Variants in EYS observed in about 807,000 individuals in gnomAD.
EYS encodes the protein protein eyes shut homolog.
In EYS, 250 loss-of-function variants were observed where a neutral mutation model predicts 282.1. The ratio of observed to expected loss-of-function variants is 0.89; its 90% confidence interval spans 0.80 to 0.98. EYS has a LOEUF of 0.98. Among genes scored for constraint, EYS ranks in the 50% least tolerant of loss-of-function variants. The pLI is 0.00. For missense variants in EYS, 4,016 were observed against 3,709.0 expected, an observed-to-expected ratio of 1.08 and a Z score of -2.15; for synonymous variants, 1,355 against 1,282.9, an observed-to-expected ratio of 1.06 and a Z score of -1.20.
rs182028690 is a variant in EYS at position 64,974,628 on chromosome 6, C to T, written c.2259+22954G>A. Among the ~76,000 whole-genome samples the T allele has an allele frequency of 2.4e-4, 37 of 151,894 alleles. 1 individual carries two copies. In the East Asian group the frequency reaches 5.8e-3, roughly 24 times the overall value. On this transcript the variant is annotated intron_variant, in intron 14 of 42. Transcript: ENST00000503581. ...CATTTTCCACTCCAAGTTGCAGAAC[C>T]GTCTCTATCTTCATGTCCTTATAGG...
chr6:64,433,178 C>G (rs1452927131), intron 28 of EYS, among the ~76,000 whole-genome samples: 1 of 151,954 alleles, frequency 6.6e-6, no homozygotes, highest in Non-Finnish European at 1.5e-5. Flanking sequence ...ATTTTGCTGT[C>G]CTTTTTCTTC....
At chr6:63,742,130 G>A (rs1235523977) in intron 41 of EYS, among the ~76,000 whole-genome samples, 1 of 152,190 alleles carries the variant, frequency 6.6e-6, no homozygotes, top group East Asian at 1.9e-4. Context: ...TGACAAGGCT[G>A]ATGCTTCTTG....
chr6:65,401,874 T>C (rs1468850249), intron 7 of EYS, among the ~76,000 whole-genome samples: 1 of 151,900 alleles, frequency 6.6e-6, no homozygotes, highest in African/African-American at 2.4e-5. Context: ...GTCAGGCAAG[T>C]GTGAAGAGTA....
intron 22 of EYS, among the ~76,000 whole-genome samples, chr6:64,643,544 T>C (rs760212943): frequency 3.3e-5 from 5 of 151,986 alleles, no homozygotes; most frequent in African/African-American, 4.8e-5. Context: ...GGGAAGTGTG[T>C]GGTGTTAACA....
At position 65,194,663 on chromosome 6, in the gene EYS, T is replaced by C. The variant is rs962066662; in HGVS notation, c.2023+101200A>G. 3.3e-5 allele frequency among the ~76,000 whole-genome samples: 5 copies of C among 151,912 alleles called. No individual in the cohort carries two copies. The East Asian group carries it at 9.7e-4, about 30-fold the overall frequency. On this transcript the variant is annotated intron_variant, in intron 12 of 42. Transcript: ENST00000503581. The stretch of plus-strand genomic sequence containing the variant: ...AGGCCTTTGTCCATTGAAGGGCCTG[T>C]ATCCCAAGTGTGAGGAGGGAGAATT...
intron 34 of EYS, among the ~76,000 whole-genome samples, chr6:63,987,504 A>G (rs1481506156): frequency 1.3e-5 from 2 of 151,734 alleles, no homozygotes; most frequent in Non-Finnish European, 3.0e-5. Flanking sequence ...CTCATAATTT[A>G]GATGTACATA....
intron 5 of EYS, among the ~76,000 whole-genome samples, chr6:65,488,122 C>T (rs1479084624): frequency 6.6e-6 from 1 of 152,038 alleles, no homozygotes; most frequent in African/African-American, 2.4e-5. Context: ...TTTCAAAAAA[C>T]CAGCTCCTGG....
At chr6:65,212,630 A>G (rs1395755325) in intron 12 of EYS, among the ~76,000 whole-genome samples, 1 of 152,160 alleles carries the variant, frequency 6.6e-6, no homozygotes, top group East Asian at 1.9e-4. Flanking sequence ...CTACTGAATT[A>G]TATAATACAG....
At chr6:63,873,847 T>C (rs1447090376) in intron 35 of EYS, among the ~76,000 whole-genome samples, 1 of 152,210 alleles carries the variant, frequency 6.6e-6, no homozygotes, top group Non-Finnish European at 1.5e-5. Flanking sequence ...GTTTTTTTTA[T>C]TTTTTCTTGT....
At chr6:65,267,634 G>A (rs1055401493) in intron 12 of EYS, among the ~76,000 whole-genome samples, 10 of 151,976 alleles carry the variant, frequency 6.6e-5, no homozygotes, top group South Asian at 2.1e-4. Flanking sequence ...TAGGGGATAC[G>A]TGTACAGATG....
intron 31 of EYS, among the ~76,000 whole-genome samples, chr6:64,191,958 G>T (rs1432686836): frequency 6.8e-6 from 1 of 146,752 alleles, no homozygotes; most frequent in Non-Finnish European, 1.5e-5. Flanking sequence ...GTGTAAAAGT[G>T]TTCCTATTTC....
chr6:65,048,938 A>G (rs1251049329), intron 13 of EYS, among the ~76,000 whole-genome samples: 2 of 151,816 alleles, frequency 1.3e-5, no homozygotes, highest in Admixed American at 6.6e-5. Context: ...GATTTCTGCA[A>G]GCAGTTAATT....
At chr6:63,776,725 T>G (rs949653179) in intron 40 of EYS, among the ~76,000 whole-genome samples, 1 of 152,166 alleles carries the variant, frequency 6.6e-6, no homozygotes, top group Non-Finnish European at 1.5e-5. Context: ...AGGTTCAAAC[T>G]GTTAGGCTGT....
intron 22 of EYS, among the ~76,000 whole-genome samples, chr6:64,644,628 T>C (rs1298194121): frequency 6.6e-6 from 1 of 152,170 alleles, no homozygotes; most frequent in African/African-American, 2.4e-5. Context: ...TCCAGAGAAG[T>C]AGTAGAACAT....
chr6:64,277,488 A>G (rs1768155303), intron 30 of EYS, among the ~76,000 whole-genome samples: 1 of 152,132 alleles, frequency 6.6e-6, no homozygotes, highest in Non-Finnish European at 1.5e-5. Context: ...GATTTATAAA[A>G]CTATCCATAG....
At chr6:65,506,856 A>C (rs1002807871) in intron 2 of EYS, among the ~76,000 whole-genome samples, 3 of 152,104 alleles carry the variant, frequency 2.0e-5, no homozygotes, top group Non-Finnish European at 4.4e-5. Flanking sequence ...TTGTAACAGA[A>C]TATTCCTAAT....
At chr6:64,011,989 TTCCTC>T (rs60358872) in intron 33 of EYS, among the ~76,000 whole-genome samples, 4,793 of 134,550 alleles carry the variant, frequency 0.036, 151 homozygotes, top group African/African-American at 0.07. Context: ...TAATAAGTTT[TTCCTC>T]TCCTCTCCTC....
At chr6:64,789,880 G>A (rs938500682) in intron 22 of EYS, among the ~76,000 whole-genome samples, 1 of 100,442 alleles carries the variant, frequency 1.0e-5, no homozygotes, top group Admixed American at 1.3e-4. Flanking sequence ...TTCTAAAGTT[G>A]TATGATATAT....
chr6:65,067,685 A>G (rs1381352250), intron 12 of EYS, among the ~76,000 whole-genome samples: 1 of 152,084 alleles, frequency 6.6e-6, no homozygotes, highest in Non-Finnish European at 1.5e-5. Flanking sequence ...CTTTCCTAAT[A>G]TTTGCAAGTA....
Sources: gnomAD v4.1 joint callset for allele counts (sites outside exome capture counted in the v4.1 genomes callset) on GRCh38, gnomAD v4.1.1 for gene constraint, MANE v1.5 for transcripts, NCBI Gene and HGNC (gene_info 2026-07-23, HGNC 2026-07-21) for gene names.